Variants in SYN3 observed in about 807,000 individuals in gnomAD.
SYN3 encodes synapsin III.
Under a neutral mutation model 65.8 loss-of-function variants are expected in SYN3, and 35 were observed. The ratio of observed to expected loss-of-function variants is 0.53; its 90% CI spans 0.41 to 0.70. The LOEUF is 0.70. Ranked by LOEUF, SYN3 falls within the 30% of genes least tolerant of loss-of-function variation. SYN3 has a pLI of 0.00. For synonymous variants in SYN3, 270 were observed against 292.9 expected (o/e 0.92, Z 0.80); for missense variants, 680 against 749.0 (o/e 0.91, Z 1.08).
At chr22:32,884,748 G>A (rs572295787) in intron 4 of SYN3, among the ~76,000 whole-genome samples, 8 of 152,216 alleles carry the variant, frequency 5.3e-5, no homozygotes, top group African/African-American at 7.2e-5. Flanking sequence ...GTGGTGGCAC[G>A]TGCCTGTAAT....
intron 3 of SYN3, among the ~76,000 whole-genome samples, chr22:32,954,072 G>C (rs1044936733): frequency 1.3e-5 from 2 of 151,662 alleles, no homozygotes; most frequent in African/African-American, 2.4e-5. Context: ...TCCTGCTCAG[G>C]GTTCCTGAGA....
rs551365624 is a variant in SYN3 at position 32,510,038 on chromosome 22, A to C, written c.*3654T>G. Among the ~76,000 whole-genome samples the C allele has an allele frequency of 1.4e-4, 22 of 152,226 alleles. No individual in the cohort carries two copies. The highest frequency in any genetic ancestry group is 5.1e-4 in the African/African-American group (21 of 41,538). On this transcript the variant is annotated 3_prime_UTR_variant, in exon 14 of 14. Transcript: ENST00000358763. The stretch of plus-strand genomic sequence containing the variant: ...GGAGTATCTGGGAGATATCCTTTGG[A>C]TGCTGAGGTGTGTCTGAGGCCAAAG...
intron 6 of SYN3, among the ~76,000 whole-genome samples, chr22:32,644,508 G>A (rs1012163337): frequency 2.0e-5 from 3 of 152,140 alleles, no homozygotes; most frequent in East Asian, 1.9e-4. Flanking sequence ...CTGGCTCCAC[G>A]CAACCCTCCC....
chr22:32,552,403 T>A (rs1410204713), intron 7 of SYN3, among the ~76,000 whole-genome samples: 1 of 151,912 alleles, frequency 6.6e-6, no homozygotes, highest in Non-Finnish European at 1.5e-5. Flanking sequence ...ATGGTTGAAG[T>A]TGGGTCAAAG....
At chr22:32,515,982 G>T (rs762124183) in intron 13 of SYN3, among the ~76,000 whole-genome samples, 8 of 152,026 alleles carry the variant, frequency 5.3e-5, no homozygotes, top group Non-Finnish European at 1.0e-4. Context: ...GTATTTTTAG[G>T]AGAGATGGGG....
At chr22:33,052,045 A>G (rs2054175764) in intron 1 of SYN3, among the ~76,000 whole-genome samples, 1 of 152,050 alleles carries the variant, frequency 6.6e-6, no homozygotes, top group Non-Finnish European at 1.5e-5. Flanking sequence ...CAAGCCTCAC[A>G]TCGTGCACTT....
At chr22:32,846,163 T>C (rs1241997918) in intron 6 of SYN3, among the ~76,000 whole-genome samples, 4 of 152,224 alleles carry the variant, frequency 2.6e-5, no homozygotes. Flanking sequence ...ATGACTGTGA[T>C]CTTGTTTGGC....
At chr22:33,006,991 T>C (rs964496233) in intron 1 of SYN3, among the ~76,000 whole-genome samples, 167 bp from the exon 2 acceptor site, 1 of 152,234 alleles carries the variant, frequency 6.6e-6, no homozygotes, top group Non-Finnish European at 1.5e-5. Context: ...TAACCTACAA[T>C]TTCCATTTTC....
rs186359310 is a variant in SYN3, at chr22:33,013,848, A to G, written c.-162-7024T>C. On this transcript the variant is annotated intron_variant, in intron 1 of 13. Coordinates refer to ENST00000358763, the MANE Select transcript of SYN3 (RefSeq NM_003490.4). ...TGTCTTTCTGTCCCTGGCTTATCTC[A>G]CTTAGCATAATGTTCTTCAAGTTCA... is the stretch of plus-strand genomic sequence containing the variant. Among the ~76,000 whole-genome samples, 98 of 152,126 alleles carry G rather than the reference A, an allele frequency of 6.4e-4. 1 individual carries two copies. Among genetic ancestry groups the G allele is most frequent in the Middle Eastern group, 3.4e-3 (1 of 294 alleles).
intron 6 of SYN3, among the ~76,000 whole-genome samples, chr22:32,636,510 G>A (rs1444426565): frequency 6.6e-6 from 1 of 152,110 alleles, no homozygotes; most frequent in Non-Finnish European, 1.5e-5. Context: ...CTTAAAAGTG[G>A]CTGTCCCCAT....
intron 9 of SYN3, among the ~76,000 whole-genome samples, chr22:32,535,766 G>C (rs1351666584): frequency 1.4e-5 from 2 of 147,586 alleles, no homozygotes; most frequent in African/African-American, 5.1e-5. Context: ...AGCAGCGTGA[G>C]AGTGCTTGGA....
chr22:32,716,672 A>G (rs2061042874), intron 6 of SYN3, among the ~76,000 whole-genome samples: 1 of 151,186 alleles, frequency 6.6e-6, no homozygotes, highest in African/African-American at 2.4e-5. Context: ...CTGGAACTAC[A>G]GGTGCACGAC....
chr22:32,525,031 TC>T lies in SYN3; in HGVS notation c.1318+2886del, dbSNP rs200267240. ...CTCTGTCTCAAAAAAAAAATTTTTT[TC>T]ATAAAGCTATAGTTGCCATAGACAG... On this transcript the variant is annotated intron_variant, in intron 12 of 13. Transcript: ENST00000358763. 2.2e-3 allele frequency among the ~76,000 whole-genome samples: 340 copies of T among 152,300 alleles called. 3 individuals are homozygous for T. Among genetic ancestry groups the T allele is most frequent in the African/African-American group, 7.7e-3 (319 of 41,572 alleles).
chr22:32,670,749 A>C (rs1249228668), intron 6 of SYN3, among the ~76,000 whole-genome samples: 1 of 152,230 alleles, frequency 6.6e-6, no homozygotes, highest in Admixed American at 6.5e-5. Context: ...TGCTGTGCAA[A>C]AGAACTGTTC....
chr22:32,947,733 C>T (rs186369961), intron 3 of SYN3, among the ~76,000 whole-genome samples: 3 of 152,316 alleles, frequency 2.0e-5, no homozygotes, highest in Admixed American at 6.5e-5. Flanking sequence ...TATCATTCTA[C>T]AGCATATTAG....
intron 1 of SYN3, among the ~76,000 whole-genome samples, chr22:33,051,398 G>A (rs367710202): frequency 1.2e-4 from 18 of 152,218 alleles, no homozygotes; most frequent in African/African-American, 4.3e-4. Context: ...ATGAAGGTCA[G>A]TGGTTCTTGC....
chr22:32,814,394 G>C (rs1303797068), intron 6 of SYN3, among the ~76,000 whole-genome samples: 1 of 99,190 alleles, frequency 1.0e-5, no homozygotes, highest in Admixed American at 1.0e-4. Context: ...GAAACATTGG[G>C]AGCTGAGCTT....
At chr22:32,562,231 T>G (rs1412291612) in intron 7 of SYN3, among the ~76,000 whole-genome samples, 2 of 152,246 alleles carry the variant, frequency 1.3e-5, no homozygotes, top group Non-Finnish European at 2.9e-5. Context: ...CTGGTGGTTT[T>G]ATAAAAGTTG....
At chr22:32,966,169 G>C (rs770430227) in intron 3 of SYN3, among the ~76,000 whole-genome samples, 2 of 152,208 alleles carry the variant, frequency 1.3e-5, no homozygotes, top group African/African-American at 2.4e-5. Context: ...GTGTGATGTA[G>C]ACACAGGTAT....
Sources: allele counts gnomAD v4.1 joint callset (sites outside exome capture counted in the v4.1 genomes callset), GRCh38; gene constraint gnomAD v4.1.1; transcripts MANE v1.5; gene names NCBI Gene and HGNC (gene_info 2026-07-23, HGNC 2026-07-21).